The following PUM3 variants were observed in gnomAD, a reference collection of about 807,000 sequenced individuals.
The protein encoded by PUM3 is pumilio homolog 3.
Under a neutral mutation model 84.0 loss-of-function variants are expected in PUM3, and 91 were observed. That is an observed-to-expected ratio of 1.08 (90% CI 0.91 to 1.29). The LOEUF (loss-of-function observed/expected upper bound fraction) is 1.29. Among genes scored for constraint, PUM3 ranks in the 50% most tolerant of loss-of-function variants. The pLI, the probability that PUM3 is intolerant of heterozygous loss-of-function variation, is 0.00. For missense variants in PUM3, 1,067 were observed against 767.5 expected (o/e 1.39, Z -4.61); for synonymous variants, 321 against 266.7 (o/e 1.20, Z -1.98).
At chr9:2,816,068 C>T (rs1452681214) in intron 13 of PUM3, among the ~76,000 whole-genome samples, 1 of 152,098 alleles carries the variant, frequency 6.6e-6, no homozygotes, top group Non-Finnish European at 1.5e-5. Flanking sequence ...AAGGCGTGTG[C>T]GTTTTTGGTT....
At chr9:2,805,668 A>G (rs976043762) in intron 17 of PUM3, among the ~76,000 whole-genome samples, 1 of 152,232 alleles carries the variant, frequency 6.6e-6, no homozygotes, top group Non-Finnish European at 1.5e-5. Flanking sequence ...ACACACAGTT[A>G]TACAACACAT....
chr9:2,831,181 T>C (rs1815969215), intron 6 of PUM3, 70 bp downstream of exon 6: 3 of 1,189,294 alleles, frequency 2.5e-6, no homozygotes, highest in East Asian at 4.7e-5. Flanking sequence ...TAGGACAGTC[T>C]TGGGTATTTT....
At chr9:2,818,972 T>G (rs138647956) in intron 13 of PUM3, among the ~76,000 whole-genome samples, 1 of 152,222 alleles carries the variant, frequency 6.6e-6, no homozygotes, top group African/African-American at 2.4e-5. Context: ...TGAATCATCA[T>G]ATTCTTCTTT....
chr9:2,812,260 T>C lies in PUM3; in HGVS notation c.1372A>G (p.Ile458Val). The change falls in exon 14 of 18, where the codon ATC (isoleucine) becomes GTC (valine). Residue 458 changes from isoleucine (I) to valine (V), a missense_variant. Transcript: ENST00000397885. ...PRDPAHTVRE[I>V]IEVLQKGDGN... ...TCTCCTTTTTGCAGAACTTCAATGA[T>C]TTCTCGTACTGTATGTGCAGGATCT... The C allele has an allele frequency of 6.2e-7, 1 of 1,613,718 alleles. No homozygotes were observed. The highest frequency in any genetic ancestry group is 8.5e-7 in the Non-Finnish European group (1 of 1,179,674).
intron 5 of PUM3, among the ~76,000 whole-genome samples, chr9:2,832,002 C>T (rs1380043805): frequency 1.3e-5 from 2 of 152,130 alleles, no homozygotes; most frequent in East Asian, 1.9e-4. Flanking sequence ...TTTTCTAGAG[C>T]GCCCTCCACG....
At chr9:2,818,837 T>A (rs1821527114) in intron 13 of PUM3, among the ~76,000 whole-genome samples, 1 of 152,198 alleles carries the variant, frequency 6.6e-6, no homozygotes, top group African/African-American at 2.4e-5. Context: ...GGCTGGCATC[T>A]AAGAAAACAA....
At chr9:2,829,750 G>C (rs781284404) in intron 8 of PUM3, 24 bp downstream of exon 8, 2 of 1,587,174 alleles carry the variant, frequency 1.3e-6, no homozygotes, top group African/African-American at 1.4e-5. Context: ...AAAAATACTA[G>C]AAAAAGACTT....
chr9:2,830,932 A>G (rs1480463452), intron 7 of PUM3, 30 bp downstream of exon 7: 2 of 1,125,706 alleles, frequency 1.8e-6, no homozygotes, highest in Admixed American at 2.0e-5. Context: ...AGACAAAGAA[A>G]AAATGTATTT....
At chr9:2,820,185 A>T in intron 12 of PUM3, 87 bp from the exon 13 acceptor site, 2 of 558,884 alleles carry the variant, frequency 3.6e-6, no homozygotes, top group Non-Finnish European at 6.3e-6. Flanking sequence ...TCATAAAGGT[A>T]GAGCGAGACT....
rs774473952 is a variant in PUM3 at position 2,827,098 on chromosome 9, G to GT, written c.1009dup (p.Thr337AsnfsTer13). On this transcript the variant is annotated frameshift_variant, in exon 10 of 18. Coordinates refer to ENST00000397885, the MANE Select transcript of PUM3 (RefSeq NM_014878.5). LOFTEE classifies it high-confidence loss of function. ...TGATCTGAGTTTGGGGGGTGCATAGGTAAAAAAGTCCAAGAATACTTTATG... is the reference window on the plus strand; with the variant it reads ...TGATCTGAGTTTGGGGGGTGCATAGGTTAAAAAAGTCCAAGAATACTTTATG... The GT allele has an allele frequency of 1.4e-4, 223 of 1,609,024 alleles. No individual in the cohort carries two copies. The highest frequency in any genetic ancestry group is 1.7e-4 in the Non-Finnish European group (200 of 1,178,326).
At chr9:2,838,093 C>G (rs1281276231) in intron 2 of PUM3, among the ~76,000 whole-genome samples, 1 of 152,070 alleles carries the variant, frequency 6.6e-6, no homozygotes, top group African/African-American at 2.4e-5. Flanking sequence ...TGAACCTAAA[C>G]GTATTTGGCT....
chr9:2,806,235 C>A (rs1046356683), intron 17 of PUM3, among the ~76,000 whole-genome samples: 1 of 152,096 alleles, frequency 6.6e-6, no homozygotes, highest in East Asian at 1.9e-4. Flanking sequence ...CTCCAAATGC[C>A]TGGTAAAAAA....
intron 15 of PUM3, 72 bp from the exon 16 acceptor site, chr9:2,810,503 A>G (rs1821344405): frequency 1.9e-6 from 2 of 1,039,772 alleles, no homozygotes; most frequent in African/African-American, 1.6e-5. Context: ...ATGAATACAT[A>G]CTATTTATGC....
intron 13 of PUM3, among the ~76,000 whole-genome samples, chr9:2,819,115 G>C (rs925183039): frequency 6.6e-6 from 1 of 152,188 alleles, no homozygotes; most frequent in Non-Finnish European, 1.5e-5. Flanking sequence ...TGGTTTTCCA[G>C]ACGTTTCCAA....
intron 13 of PUM3, among the ~76,000 whole-genome samples, chr9:2,817,471 T>A (rs1821495576): frequency 1.3e-5 from 2 of 152,134 alleles, no homozygotes; most frequent in African/African-American, 4.8e-5. Flanking sequence ...TGGCCCTTTA[T>A]AAAAAGGCTT....
At chr9:2,836,228 G>T (rs867543486) in intron 3 of PUM3, among the ~76,000 whole-genome samples, 8 of 152,270 alleles carry the variant, frequency 5.3e-5, no homozygotes, top group South Asian at 2.1e-4. Flanking sequence ...AGGACTAGGG[G>T]ATGGCACTGA....
rs555781338 is a variant in PUM3, at chr9:2,835,021, A to AT, written c.305-856_305-855insA. 2.0e-5 allele frequency among the ~76,000 whole-genome samples: 3 copies of AT among 151,762 alleles called. No individual in the cohort carries two copies. The East Asian group carries it at 5.8e-4, about 29-fold the overall frequency. On this transcript the variant is annotated intron_variant, in intron 3 of 17. Transcript: ENST00000397885. The stretch of plus-strand genomic sequence containing the variant: ...AAAAACTGGGAAAAATGCAAAAAAA[A>AT]AAAAAAAGAAAAGAAAAACCCTGTA...
At chr9:2,806,914 T>TA (rs1475261872) in intron 17 of PUM3, among the ~76,000 whole-genome samples, 3 of 151,832 alleles carry the variant, frequency 2.0e-5, no homozygotes, top group Non-Finnish European at 2.9e-5. Context: ...AGTTATTCAT[T>TA]AAAAAAAATA....
In PUM3 at chr9:2,824,813, T is replaced by C. The variant is rs750808515; in HGVS notation, c.1038A>G (p.Glu346=). ...FTYAPPKLRS[E]MIEAIREAVV... ...CCGCTTCGCGGATGGCTTCAATCAT[T>C]TCCTAGGGAACAAATGCTGTCAGGA... Residue 346 remains glutamate, a splice_region_variant and synonymous_variant, in exon 11 of 18, where the codon GAA becomes GAG. Transcript: ENST00000397885. The C allele has an allele frequency of 6.4e-7, 1 of 1,556,646 alleles. No homozygotes were observed.
Sources: allele counts gnomAD v4.1 joint callset (sites outside exome capture counted in the v4.1 genomes callset), GRCh38; gene constraint gnomAD v4.1.1; transcripts MANE v1.5; gene names NCBI Gene and HGNC (gene_info 2026-07-23, HGNC 2026-07-21).